GRIK5: variants seen among roughly 807,000 people sequenced by gnomAD.
GRIK5 encodes glutamate receptor ionotropic, kainate 5.
GRIK5 carries 43 observed loss-of-function variants against 97.4 expected under a neutral mutation model. That is an observed-to-expected ratio of 0.44 (90% CI 0.35 to 0.57). The LOEUF is 0.57. Among genes scored for constraint, GRIK5 ranks in the 20% least tolerant of loss-of-function variants. The pLI, the probability that GRIK5 is intolerant of heterozygous loss-of-function variation, is 0.01. For synonymous variants in GRIK5, 580 were observed against 583.5 expected, an observed-to-expected ratio of 0.99 and a Z score of 0.09; for missense variants, 1,015 against 1,382.0, an observed-to-expected ratio of 0.73 and a Z score of 4.21.
intron 11 of GRIK5, among the ~76,000 whole-genome samples, chr19:42,046,280 G>A (rs78069867): frequency 0.13 from 19,875 of 152,024 alleles, 1,457 homozygotes; most frequent in Middle Eastern, 0.17. Flanking sequence ...CTGAGCTTAG[G>A]GAGACAAAAA....
chr19:42,021,539 G>A lies in GRIK5; in HGVS notation c.1698-65C>T, dbSNP rs1282093184. Reference sequence around the variant, plus strand: ...CCAGGTGGGGAGGAAAAGGAAAGAAGCAAAGGAAAGTCACAGTGATCAGAA... The same window carrying A: ...CCAGGTGGGGAGGAAAAGGAAAGAAACAAAGGAAAGTCACAGTGATCAGAA... On this transcript the variant is annotated intron_variant, in intron 14 of 19. Coordinates refer to ENST00000593562, the MANE Select transcript of GRIK5 (RefSeq NM_002088.5). The surrounding 1 kb of genome is among the most constrained non-coding windows in gnomAD (Gnocchi z 4.2). 6.0e-6 allele frequency: 8 copies of A among 1,341,304 alleles called. No homozygotes were observed. The highest frequency in any genetic ancestry group is 1.5e-5 in the African/African-American group (1 of 67,720). 83.1% of individuals were successfully genotyped at this position (1,341,304 alleles called of 1,614,324 possible).
Position 42,062,719 on chromosome 19 carries a change from C to G in GRIK5, c.342+39G>C, listed in dbSNP as rs541396909. On this transcript the variant is annotated intron_variant, in intron 4 of 19. Coordinates refer to ENST00000593562, the MANE Select transcript of GRIK5 (RefSeq NM_002088.5). The surrounding 1 kb of genome is among the most constrained non-coding windows in gnomAD (Gnocchi z 5.3). The stretch of plus-strand genomic sequence containing the variant: ...GCCCAGCCCTCGCCTCCCAGGGACC[C>G]GCTCCCCACAAAGCGCCGGCCCACA... The G allele has an allele frequency of 7.4e-6, 12 of 1,611,984 alleles. No individual in the cohort carries two copies. Among genetic ancestry groups the G allele is most frequent in the African/African-American group, 1.3e-5 (1 of 74,880 alleles).
chr19:42,021,330 C>A lies in GRIK5; in HGVS notation c.1842G>T (p.Ala614=). ...CTCCGCTGACACAGCGCGTGGACAG[C>A]GCCCGGGGCATGATCTCCGAGCCCT... ...MQQGSEIMPR[A]LSTRCVSGVW... is the part of the protein sequence containing the mutation. Residue 614 remains alanine, a synonymous_variant, in exon 15 of 20, where the codon GCG becomes GCT. Transcript: ENST00000593562. This position sits in a 1 kb window ranked among gnomAD's most constrained non-coding sequence, Gnocchi z 4.2. The A allele has an allele frequency of 1.9e-6, 3 of 1,613,170 alleles. No homozygotes were observed. Among genetic ancestry groups the A allele is most frequent in the Non-Finnish European group, 2.5e-6 (3 of 1,179,890 alleles).
rs1449020051 is a variant in GRIK5 at position 42,022,395 on chromosome 19, G to A, written c.1474-41C>T. The A allele has an allele frequency of 6.4e-7, 1 of 1,569,648 alleles. No individual in the cohort carries two copies. Among genetic ancestry groups the A allele is most frequent in the Non-Finnish European group, 8.7e-7 (1 of 1,144,772 alleles). ...CCGGGCAGGGGTGGAGGGGGACAGA[G>A]GGGAAGACAGAAGTGGACAGTTAGA... On this transcript the variant is annotated intron_variant, in intron 12 of 19. Transcript: ENST00000593562. The surrounding 1 kb of genome is among the most constrained non-coding windows in gnomAD (Gnocchi z 4.2).
chr19:42,046,802 G>A (rs967223249), intron 11 of GRIK5, among the ~76,000 whole-genome samples: 19 of 152,144 alleles, frequency 1.2e-4, no homozygotes, highest in African/African-American at 4.3e-4. Context: ...GGGAAGGAAG[G>A]AAACTGATTT....
At chr19:42,039,555 G>A (rs1250849683) in intron 12 of GRIK5, among the ~76,000 whole-genome samples, 1 of 152,214 alleles carries the variant, frequency 6.6e-6, no homozygotes. Context: ...AGCCCACTCA[G>A]TAAGAGCACA....
At position 41,998,800 on chromosome 19, in the gene GRIK5, G is replaced by A; in HGVS notation, c.*71C>T. The A allele has an allele frequency of 1.3e-6, 1 of 784,322 alleles. No homozygotes were observed. The highest frequency in any genetic ancestry group is 5.6e-4 in the Middle Eastern group (1 of 1,776). 48.6% of individuals were successfully genotyped at this position (784,322 alleles called of 1,614,324 possible). A position where few individuals can be genotyped will look rare whatever the true frequency, so the allele number is the denominator to read the frequency against. On this transcript the variant is annotated 3_prime_UTR_variant, in exon 20 of 20. Coordinates refer to ENST00000593562, the MANE Select transcript of GRIK5 (RefSeq NM_002088.5). ...CTGTCCCGCGCCCGCTGCGGGAGCGGAGACTGCTGGGGCCTGGGGCGGGCC... is the reference window on the plus strand; with the variant it reads ...CTGTCCCGCGCCCGCTGCGGGAGCGAAGACTGCTGGGGCCTGGGGCGGGCC...
At position 42,065,701 on chromosome 19, in the gene GRIK5, G is replaced by T; in HGVS notation, c.70C>A (p.Leu24Met). ...ASPSCQVLSS[L>M]RMAAILDDQT... ...TGCGGGAGGGCCTCACCCATGCGCA[G>T]TGATGAGAGCACCTGGCAGCTGGGG... The change falls in exon 2 of 20, where the codon CTG becomes ATG. Residue 24 changes from leucine to methionine, a missense_variant. Physicochemically the swap from Leu to Met is conservative, Grantham distance 15. Coordinates refer to ENST00000593562, the MANE Select transcript of GRIK5 (RefSeq NM_002088.5). The surrounding 1 kb of genome is among the most constrained non-coding windows in gnomAD (Gnocchi z 5.8). 1 of 1,591,492 alleles carries T rather than the reference G, an allele frequency of 6.3e-7. No individual in the cohort carries two copies. The highest frequency in any genetic ancestry group is 8.5e-7 in the Non-Finnish European group (1 of 1,170,630).
At chr19:42,018,926 T>G (rs946920855) in intron 15 of GRIK5, among the ~76,000 whole-genome samples, 3 of 152,122 alleles carry the variant, frequency 2.0e-5, no homozygotes, top group African/African-American at 7.2e-5. Flanking sequence ...TGCTGAATCA[T>G]GGTGCTAAGT....
At chr19:42,054,983 C>A (rs1478516608) in intron 8 of GRIK5, among the ~76,000 whole-genome samples, 1 of 152,152 alleles carries the variant, frequency 6.6e-6, no homozygotes, top group Non-Finnish European at 1.5e-5. Flanking sequence ...CCTGGCTCTG[C>A]TATTTTCTCA....
chr19:41,998,812 G>T lies in GRIK5; in HGVS notation c.*59C>A, dbSNP rs574178765. 2 of 875,592 alleles carry T rather than the reference G, an allele frequency of 2.3e-6. No individual in the cohort carries two copies. The highest frequency in any genetic ancestry group is 1.8e-5 in the African/African-American group (1 of 55,454). The allele number at this position is 875,592 out of a possible 1,614,324, so 54.2% of individuals were successfully genotyped here. A position where few individuals can be genotyped will look rare whatever the true frequency, so the allele number is the denominator to read the frequency against. On this transcript the variant is annotated 3_prime_UTR_variant, in exon 20 of 20. Transcript: ENST00000593562. ...CGCTGCGGGAGCGGAGACTGCTGGG[G>T]CCTGGGGCGGGCCCCGTCCCTTCGG...
In GRIK5 at chr19:42,054,424, C is replaced by G. The variant is rs1194284601; in HGVS notation, c.952G>C (p.Val318Leu). ...FDAVHVVVSAVRELNRSQEIG... is the reference protein window; with the variant it reads ...FDAVHVVVSALRELNRSQEIG... ...TCCTGGCTGCGGTTCAGCTCTCGGACAGCGCTCACCACCACGTGCACGGCG... is the reference window on the plus strand; with the variant it reads ...TCCTGGCTGCGGTTCAGCTCTCGGAGAGCGCTCACCACCACGTGCACGGCG... Residue 318 changes from valine (V) to leucine (L), a missense_variant, in exon 9 of 20, where the codon GTC becomes CTC. Transcript: ENST00000593562. 2 of 1,613,652 alleles carry G rather than the reference C, an allele frequency of 1.2e-6. No individual in the cohort carries two copies.
At chr19:42,018,178 G>T (rs1289757306) in intron 15 of GRIK5, among the ~76,000 whole-genome samples, 1 of 106,314 alleles carries the variant, frequency 9.4e-6, no homozygotes, top group Non-Finnish European at 1.9e-5. Context: ...AAAAAAATCA[G>T]CCAGGCATGG....
At chr19:42,041,103 A>G (rs989544687) in intron 12 of GRIK5, among the ~76,000 whole-genome samples, 1 of 152,162 alleles carries the variant, frequency 6.6e-6, no homozygotes, top group Non-Finnish European at 1.5e-5. Context: ...TTCTGTCAAA[A>G]TAACTTTTGA....
intron 5 of GRIK5, among the ~76,000 whole-genome samples, chr19:42,060,353 T>C (rs574040374): frequency 3.9e-5 from 6 of 151,940 alleles, no homozygotes; most frequent in African/African-American, 9.7e-5. Flanking sequence ...AGGAGATGAG[T>C]TGGGCAACAA....
chr19:42,066,476 A>G (rs2076333843), intron 1 of GRIK5, among the ~76,000 whole-genome samples: 1 of 151,756 alleles, frequency 6.6e-6, no homozygotes, highest in Admixed American at 6.6e-5. Context: ...AAAGGGGGAA[A>G]AAAAAAAAAA....
intron 7 of GRIK5, 21 bp downstream of exon 7, chr19:42,056,904 T>G (rs753415939): frequency 8.7e-6 from 14 of 1,604,402 alleles, no homozygotes; most frequent in Non-Finnish European, 1.2e-5. Flanking sequence ...GGGGCAGAGA[T>G]GGGCCAGAGG....
In GRIK5 at chr19:42,003,758, C is replaced by T; in HGVS notation, c.2264-75G>A. 2.8e-6 allele frequency: 4 copies of T among 1,451,722 alleles called. No homozygotes were observed. Among genetic ancestry groups the T allele is most frequent in the Non-Finnish European group, 3.6e-6 (4 of 1,098,054 alleles). The allele number at this position is 1,451,722 out of a possible 1,614,324, so 89.9% of individuals were successfully genotyped here. On this transcript the variant is annotated intron_variant, in intron 17 of 19. Transcript: ENST00000593562. The surrounding 1 kb of genome is among the most constrained non-coding windows in gnomAD (Gnocchi z 4.2). ...GACCGCCCCAAACCCCAAACTGTGC[C>T]CTCACCACGGCCTTCCCCCGCCTCT...
intron 8 of GRIK5, 71 bp downstream of exon 8, chr19:42,056,591 G>C (rs1279681887): frequency 2.3e-6 from 3 of 1,332,870 alleles, no homozygotes; most frequent in Non-Finnish European, 3.2e-6. Flanking sequence ...ATCTGAGTGA[G>C]GTCTGAAAGG....
Sources: allele counts gnomAD v4.1 joint callset (sites outside exome capture counted in the v4.1 genomes callset), GRCh38; gene constraint gnomAD v4.1.1; non-coding constraint Gnocchi (gnomAD v3.1); transcripts MANE v1.5; gene names NCBI Gene and HGNC (gene_info 2026-07-23, HGNC 2026-07-21).